The following AFF1 variants were observed in gnomAD, a reference collection of about 807,000 sequenced individuals.
AFF1 encodes the protein ALF transcription elongation factor 1.
In AFF1, 48 loss-of-function variants were observed where a neutral mutation model predicts 121.7. The observed-to-expected ratio is 0.39, with a 90% confidence interval of 0.31 to 0.50. The LOEUF is 0.50. Among genes scored for constraint, AFF1 ranks in the 20% least tolerant of loss-of-function variants. AFF1 has a pLI of 0.76. For missense variants in AFF1, 1,523 were observed against 1,511.7 expected (o/e 1.01, Z -0.12); for synonymous variants, 613 against 563.0 (o/e 1.09, Z -1.26).
rs184960343 is a variant in AFF1 at position 87,043,346 on chromosome 4, G to T, written c.39-2820G>T. On this transcript the variant is annotated intron_variant, in intron 2 of 20. Transcript: ENST00000395146. ...TGACTGCTGCAAGGTGCATGCACTGGATAGTTTGGGAGAATAGAAGCTTAG... is the reference window on the plus strand; with the variant it reads ...TGACTGCTGCAAGGTGCATGCACTGTATAGTTTGGGAGAATAGAAGCTTAG... Among the ~76,000 whole-genome samples the T allele has an allele frequency of 9.2e-5, 14 of 152,308 alleles. No homozygotes were observed. In the East Asian group the frequency reaches 2.5e-3, roughly 27 times the overall value.
chr4:87,021,654 T>C (rs1727909505), intron 2 of AFF1, among the ~76,000 whole-genome samples: 1 of 152,246 alleles, frequency 6.6e-6, no homozygotes, highest in Non-Finnish European at 1.5e-5. Flanking sequence ...TAATTGTAAG[T>C]TAATTGTAAT....
intron 19 of AFF1, among the ~76,000 whole-genome samples, chr4:87,132,740 G>A (rs967649541): frequency 1.3e-5 from 2 of 152,184 alleles, no homozygotes; most frequent in Non-Finnish European, 2.9e-5. Context: ...TCCCAGGCTG[G>A]AATGCAGTGC....
Position 87,115,227 on chromosome 4 carries a change from G to A in AFF1, c.2394G>A (p.Pro798=), listed in dbSNP as rs762170771. 25 of 1,613,954 alleles carry A rather than the reference G, an allele frequency of 1.5e-5. No homozygotes were observed. The highest frequency in any genetic ancestry group is 6.7e-5 in the Admixed American group (4 of 59,986). Residue 798 remains proline (P), a synonymous_variant, in exon 12 of 21, where the codon CCG becomes CCA. Transcript: ENST00000395146. ...SRQRKAEDKQ[P]PAGKKHSSEK... The stretch of plus-strand genomic sequence containing the variant: ...AGAGGAAAGCAGAAGATAAACAGCC[G>A]CCCGCAGGGAAGAAGCACAGCTCTG...
At position 87,001,207 on chromosome 4, in the gene AFF1, C is replaced by CTTTTTTTTTTT. The variant is rs34072831; in HGVS notation, c.39-44942_39-44932dup. Among the ~76,000 whole-genome samples the CTTTTTTTTTTT allele has an allele frequency of 6.1e-4, 37 of 60,312 alleles. 6 individuals are homozygous for CTTTTTTTTTTT. The highest frequency in any genetic ancestry group is 8.1e-4 in the Non-Finnish European group (27 of 33,308). The allele number at this position is 60,312 out of a possible 152,430, so 39.6% of individuals were successfully genotyped here. A position where few individuals can be genotyped will look rare whatever the true frequency, so the allele number is the denominator to read the frequency against. On this transcript the variant is annotated intron_variant, in intron 2 of 20. Transcript: ENST00000395146. ...TGAGAGGACTGCTTTCCTTTTTCTACTTTTTTTTTTTTTTTTTTTTTTTTT... is the reference window on the plus strand; with the variant it reads ...TGAGAGGACTGCTTTCCTTTTTCTACTTTTTTTTTTTTTTTTTTTTTTTTTTTTTTTTTTTT...
intron 2 of AFF1, among the ~76,000 whole-genome samples, chr4:86,957,958 A>C (rs775802922): frequency 5.2e-4 from 79 of 152,148 alleles, no homozygotes; most frequent in Non-Finnish European, 9.4e-4. Context: ...TCACTTCTTC[A>C]TACTTTATGT....
intron 4 of AFF1, among the ~76,000 whole-genome samples, chr4:87,063,565 A>G (rs1393151208): frequency 6.6e-6 from 1 of 152,060 alleles, no homozygotes; most frequent in Non-Finnish European, 1.5e-5. Flanking sequence ...CTTGGCTTAG[A>G]ATCTGAAATT....
rs754943029 is a variant in AFF1, at chr4:86,948,555, A to T, written c.22A>T (p.Asn8Tyr). ...AACAATGGCATTTACAGAAAGAGTC[A>T]ACAGCAGTGGCAACAGGTAAGCATA... MAFTERV[N>Y]SSGNSLYNDD... Residue 8 changes from asparagine to tyrosine, a missense_variant, in exon 2 of 21, where the codon AAC becomes TAC. Physicochemically the swap from Asn to Tyr is moderately radical, Grantham distance 143. Transcript: ENST00000395146. The T allele has an allele frequency of 1.3e-6, 2 of 1,537,022 alleles. No individual in the cohort carries two copies. Among genetic ancestry groups the T allele is most frequent in the Non-Finnish European group, 1.7e-6 (2 of 1,146,730 alleles).
intron 4 of AFF1, among the ~76,000 whole-genome samples, chr4:87,056,126 A>G (rs990379372): frequency 6.6e-6 from 1 of 151,876 alleles, no homozygotes; most frequent in Non-Finnish European, 1.5e-5. Flanking sequence ...TGTCAAGCCC[A>G]TTCTAATCTT....
At chr4:87,132,559 A>C in intron 19 of AFF1, 151 bp downstream of exon 19, 3 of 641,450 alleles carry the variant, frequency 4.7e-6, no homozygotes, top group Non-Finnish European at 7.2e-6. Flanking sequence ...CCTAAATTTA[A>C]ATTATTAGCA....
At chr4:87,028,949 G>T (rs1041359681) in intron 2 of AFF1, among the ~76,000 whole-genome samples, 11 of 152,132 alleles carry the variant, frequency 7.2e-5, no homozygotes, top group African/African-American at 2.7e-4. Flanking sequence ...CACAGGTGGG[G>T]TCTTTTATTT....
chr4:87,033,830 C>T (rs1729294489), intron 2 of AFF1, among the ~76,000 whole-genome samples: 1 of 151,972 alleles, frequency 6.6e-6, no homozygotes, highest in Non-Finnish European at 1.5e-5. Flanking sequence ...AAATGGTTAA[C>T]TTCAAAATTT....
At chr4:87,104,921 A>G (rs766026079) in intron 8 of AFF1, among the ~76,000 whole-genome samples, 8 of 152,092 alleles carry the variant, frequency 5.3e-5, no homozygotes, top group East Asian at 1.9e-4. Flanking sequence ...TGTGTAGACA[A>G]TCGAGTTTGT....
At chr4:86,971,618 TCTG>T (rs370166702) in intron 2 of AFF1, among the ~76,000 whole-genome samples, 7 of 152,358 alleles carry the variant, frequency 4.6e-5, no homozygotes, top group Non-Finnish European at 8.8e-5. Flanking sequence ...TTATCAAAGG[TCTG>T]CTGTGTGCAA....
chr4:87,026,575 G>C (rs1441347529), intron 2 of AFF1, among the ~76,000 whole-genome samples: 1 of 152,188 alleles, frequency 6.6e-6, no homozygotes, highest in Non-Finnish European at 1.5e-5. Context: ...GTAGTAGGAA[G>C]TGGTAGGGAA....
Position 87,135,575 on chromosome 4 carries a change from T to G in AFF1, c.3536-5T>G, listed in dbSNP as rs749040079. The stretch of plus-strand genomic sequence containing the variant: ...TGTTTTTGTTTTGTTTTGTTTTTTT[T>G]GCAGAATTCTTTGCTCGGCTCAGCA... On this transcript the variant is annotated splice_region_variant and splice_polypyrimidine_tract_variant and intron_variant, in intron 20 of 20. Coordinates refer to ENST00000395146, the MANE Select transcript of AFF1 (RefSeq NM_001166693.3). The G allele has an allele frequency of 1.3e-6, 2 of 1,530,012 alleles. No individual in the cohort carries two copies. Among genetic ancestry groups the G allele is most frequent in the Admixed American group, 2.1e-5 (1 of 47,028 alleles). The allele number at this position is 1,530,012 out of a possible 1,614,324, so 94.8% of individuals were successfully genotyped here.
At chr4:87,057,469 T>C (rs1720268392) in intron 4 of AFF1, among the ~76,000 whole-genome samples, 1 of 152,164 alleles carries the variant, frequency 6.6e-6, no homozygotes, top group African/African-American at 2.4e-5. Flanking sequence ...GTAAGTAAAG[T>C]GGGTCTAATA....
At chr4:86,989,398 C>T (rs994845322) in intron 2 of AFF1, among the ~76,000 whole-genome samples, 1 of 152,190 alleles carries the variant, frequency 6.6e-6, no homozygotes, top group African/African-American at 2.4e-5. Context: ...CAAAAGAAGA[C>T]ATTTATGCGG....
At chr4:87,084,298 G>GCCTCCCAAAGTGCTA in intron 5 of AFF1, 134 bp downstream of exon 5, 1 of 909,596 alleles carries the variant, frequency 1.1e-6, no homozygotes, top group Non-Finnish European at 1.7e-6. Flanking sequence ...TAGCACTTTG[G>GCCTCCCAAAGTGCTA]GAGGCCAAGG....
intron 2 of AFF1, among the ~76,000 whole-genome samples, chr4:87,031,008 A>G (rs111566232): frequency 3.3e-5 from 5 of 152,268 alleles, no homozygotes; most frequent in African/African-American, 1.2e-4. Flanking sequence ...CCACGTGCAC[A>G]GTAATTTGAG....
Sources: allele counts gnomAD v4.1 joint callset (sites outside exome capture counted in the v4.1 genomes callset), GRCh38; gene constraint gnomAD v4.1.1; transcripts MANE v1.5; gene names NCBI Gene and HGNC (gene_info 2026-07-23, HGNC 2026-07-21).